The following SLC28A3 variants were observed in gnomAD, a reference collection of about 807,000 sequenced individuals.
The protein encoded by SLC28A3 is solute carrier family 28 member 3.
In SLC28A3, 68 loss-of-function variants were observed where a neutral mutation model predicts 84.2. That is an observed-to-expected ratio of 0.81 (90% CI 0.66 to 0.99). The LOEUF is 0.99. Among genes scored for constraint, SLC28A3 ranks in the 50% least tolerant of loss-of-function variants. The pLI is 0.00. For missense variants in SLC28A3, 712 were observed against 841.5 expected (o/e 0.85, Z 1.90); for synonymous variants, 267 against 303.6 (o/e 0.88, Z 1.25).
upstream of SLC28A3, among the ~76,000 whole-genome samples, chr9:84,341,225 C>A (rs1450460081): frequency 2.6e-5 from 4 of 152,008 alleles, no homozygotes; most frequent in Non-Finnish European, 5.9e-5. Flanking sequence ...CCTGCCTTGG[C>A]CTCCTAAATT....
chr9:84,364,771 G>T, the SLC28A3 span, among the ~76,000 whole-genome samples: 1 of 152,054 alleles, frequency 6.6e-6, no homozygotes, highest in East Asian at 1.9e-4. Flanking sequence ...AACATGCGAT[G>T]TTTGTCTTTC....
chr9:84,303,905 T>G (rs943048169), intron 4 of SLC28A3, among the ~76,000 whole-genome samples: 4 of 152,218 alleles, frequency 2.6e-5, no homozygotes, highest in Non-Finnish European at 4.4e-5. Flanking sequence ...TATAGCTTAT[T>G]GAATACTTAT....
At chr9:84,290,304 A>T in intron 10 of SLC28A3, 25 bp from the exon 11 acceptor site, 2 of 1,612,562 alleles carry the variant, frequency 1.2e-6, no homozygotes, top group Non-Finnish European at 1.7e-6. Flanking sequence ...GGGTGACCAG[A>T]TTCCTTTTTA....
chr9:84,306,461 G>A (rs1307100477), intron 3 of SLC28A3, among the ~76,000 whole-genome samples: 2 of 152,172 alleles, frequency 1.3e-5, no homozygotes, highest in Non-Finnish European at 2.9e-5. Context: ...ACAGATACAT[G>A]CCTCTGAACT....
intron 4 of SLC28A3, among the ~76,000 whole-genome samples, chr9:84,303,592 T>C (rs1261649487): frequency 6.6e-6 from 1 of 152,230 alleles, no homozygotes; most frequent in Non-Finnish European, 1.5e-5. Context: ...AGTGCTGGGA[T>C]TATAGGCATT....
the SLC28A3 span, among the ~76,000 whole-genome samples, chr9:84,365,172 C>T: frequency 1.3e-5 from 2 of 152,160 alleles, no homozygotes; most frequent in Non-Finnish European, 2.9e-5. Context: ...TCTTCATTCT[C>T]ACCAGCATTT....
At chr9:84,299,767 C>T in intron 5 of SLC28A3, 42 bp from the exon 6 acceptor site, 1 of 1,540,820 alleles carries the variant, frequency 6.5e-7, no homozygotes, top group Non-Finnish European at 8.7e-7. Flanking sequence ...ATTTGTTGTG[C>T]TAACTTGAGA....
At chr9:84,300,168 CTG>C (rs1213563231) in intron 5 of SLC28A3, among the ~76,000 whole-genome samples, 2 of 152,200 alleles carry the variant, frequency 1.3e-5, no homozygotes, top group Non-Finnish European at 2.9e-5. Context: ...CGTTTAGAAA[CTG>C]CAACAGATTT....
the SLC28A3 span, among the ~76,000 whole-genome samples, chr9:84,348,686 C>A: frequency 6.6e-6 from 1 of 152,198 alleles, no homozygotes; most frequent in Non-Finnish European, 1.5e-5. Context: ...GTCATGACAG[C>A]TCTGCCCTCA....
At chr9:84,348,786 G>C in the SLC28A3 span, among the ~76,000 whole-genome samples, 1 of 152,178 alleles carries the variant, frequency 6.6e-6, no homozygotes, top group Non-Finnish European at 1.5e-5. Flanking sequence ...CTGAATTTCT[G>C]TCTCTCTCCT....
chr9:84,349,919 G>A, the SLC28A3 span, among the ~76,000 whole-genome samples: 1 of 152,160 alleles, frequency 6.6e-6, no homozygotes, highest in East Asian at 1.9e-4. Flanking sequence ...GATACATTCT[G>A]AGAAATGAGT....
the SLC28A3 span, among the ~76,000 whole-genome samples, chr9:84,360,890 C>T: frequency 3.3e-5 from 5 of 152,004 alleles, no homozygotes; most frequent in African/African-American, 4.8e-5. Flanking sequence ...GGTGACAGAG[C>T]AAGACCTTGT....
At chr9:84,336,700 C>T (rs4877850) in intron 1 of SLC28A3, among the ~76,000 whole-genome samples, 115,545 of 152,072 alleles carry the variant, frequency 0.76, 43,929 homozygotes, top group Middle Eastern at 0.84. Flanking sequence ...AATTTGACTG[C>T]GTAAATTCTG....
chr9:84,326,940 G>A (rs1334235722), intron 1 of SLC28A3, among the ~76,000 whole-genome samples: 1 of 152,080 alleles, frequency 6.6e-6, no homozygotes, highest in East Asian at 1.9e-4. Flanking sequence ...AGGAGCAGAG[G>A]TTGCAGTGAG....
intron 10 of SLC28A3, 132 bp downstream of exon 10, chr9:84,292,536 A>G (rs1825274078): frequency 6.4e-6 from 4 of 628,914 alleles, no homozygotes; most frequent in Admixed American, 6.4e-5. Flanking sequence ...GACATTGCCA[A>G]TACTGGGGGT....
chr9:84,312,141 G>T (rs1453891231), intron 2 of SLC28A3, among the ~76,000 whole-genome samples: 1 of 152,144 alleles, frequency 6.6e-6, no homozygotes, highest in Non-Finnish European at 1.5e-5. Flanking sequence ...AGGACATTTT[G>T]GTTACTTCCA....
intron 1 of SLC28A3, among the ~76,000 whole-genome samples, chr9:84,320,693 C>T (rs1039908836): frequency 4.6e-5 from 7 of 152,142 alleles, no homozygotes; most frequent in African/African-American, 1.2e-4. Context: ...CAGGGAGTTT[C>T]GAAGAAAAGT....
chr9:84,351,959 A>G, the SLC28A3 span, among the ~76,000 whole-genome samples: 1 of 152,002 alleles, frequency 6.6e-6, no homozygotes, highest in Admixed American at 6.6e-5. Context: ...GCTAATGGTG[A>G]AACTGTAATG....
intron 14 of SLC28A3, 114 bp from the exon 15 acceptor site, chr9:84,280,996 G>T: frequency 1.0e-6 from 1 of 956,222 alleles, no homozygotes; most frequent in Non-Finnish European, 1.6e-6. Flanking sequence ...TAAATGCACA[G>T]TCCATGGTAT....
Sources: gnomAD v4.1 joint callset for allele counts (sites outside exome capture counted in the v4.1 genomes callset) on GRCh38, gnomAD v4.1.1 for gene constraint, MANE v1.5 for transcripts, NCBI Gene and HGNC (gene_info 2026-07-23, HGNC 2026-07-21) for gene names.